The following MTAP variants were observed in gnomAD, a reference collection of about 807,000 sequenced individuals.
MTAP encodes the protein S-methyl-5'-thioadenosine phosphorylase.
A neutral mutation model predicts 33.6 loss-of-function variants in MTAP; 33 were observed. That is an observed-to-expected ratio of 0.98 (90% CI 0.74 to 1.31). The LOEUF is 1.31. MTAP is among the 40% of genes most tolerant of loss of function. MTAP has a pLI of 0.00. For synonymous variants in MTAP, 148 were observed against 125.7 expected (o/e 1.18, Z -1.19); for missense variants, 367 against 360.0 (o/e 1.02, Z -0.16).
chr9:21,852,380 G>T (rs537404285), intron 5 of MTAP, among the ~76,000 whole-genome samples: 1 of 151,950 alleles, frequency 6.6e-6, no homozygotes, highest in Non-Finnish European at 1.5e-5. Flanking sequence ...CCGTGGTGGC[G>T]GGTGCCTGTA....
At chr9:21,904,064 C>T (rs1818434531) in intron 1 of MTAP, among the ~76,000 whole-genome samples, 1 of 152,164 alleles carries the variant, frequency 6.6e-6, no homozygotes, top group Admixed American at 6.5e-5. Flanking sequence ...TGGTTTTCCC[C>T]TTGGGTCAGG....
intron 1 of MTAP, among the ~76,000 whole-genome samples, chr9:21,887,322 T>C (rs1463541052): frequency 6.6e-6 from 1 of 152,054 alleles, no homozygotes; most frequent in African/African-American, 2.4e-5. Flanking sequence ...CCATGTGTTC[T>C]CATGGTTCAA....
chr9:21,844,106 T>A (rs1442336173), intron 5 of MTAP, among the ~76,000 whole-genome samples: 2 of 152,164 alleles, frequency 1.3e-5, no homozygotes, highest in Non-Finnish European at 2.9e-5. Flanking sequence ...AACACCTTTA[T>A]GCACACAAAC....
At chr9:21,848,826 A>T (rs1278188335) in intron 5 of MTAP, among the ~76,000 whole-genome samples, 1 of 152,168 alleles carries the variant, frequency 6.6e-6, no homozygotes, top group Non-Finnish European at 1.5e-5. Flanking sequence ...CAAAACTTAA[A>T]TACAGTGGGA....
At chr9:21,899,235 G>A (rs1818347447) in intron 1 of MTAP, among the ~76,000 whole-genome samples, 1 of 125,418 alleles carries the variant, frequency 8.0e-6, no homozygotes, top group Non-Finnish European at 1.7e-5. Flanking sequence ...GCCTGTTGTG[G>A]GGTGGGGGGA....
chr9:21,880,983 G>A (rs1818002603), intron 1 of MTAP, among the ~76,000 whole-genome samples: 3 of 151,954 alleles, frequency 2.0e-5, no homozygotes, highest in Admixed American at 2.0e-4. Flanking sequence ...GACATTGGAA[G>A]TCTGACAATG....
chr9:21,915,019 C>T (rs915265889), intron 1 of MTAP, among the ~76,000 whole-genome samples: 1,024 of 97,418 alleles, frequency 0.011, 71 homozygotes, highest in African/African-American at 0.047. Flanking sequence ...TTCCTTCCTT[C>T]CTTCCTTCCT....
downstream of MTAP, chr9:21,931,304 A>T: frequency 1.7e-6 from 1 of 577,484 alleles, no homozygotes; most frequent in Non-Finnish European, 3.1e-6. Flanking sequence ...TGGGTCATGG[A>T]TTTTTGCGGG....
At chr9:21,914,656 G>A (rs1443617170) in intron 1 of MTAP, among the ~76,000 whole-genome samples, 1 of 151,322 alleles carries the variant, frequency 6.6e-6, no homozygotes, top group Non-Finnish European at 1.5e-5. Context: ...GGGAGGGTTA[G>A]CATTTGGAGA....
At chr9:21,930,867 G>T in intron 1 of MTAP, 1 of 639,150 alleles carries the variant, frequency 1.6e-6, no homozygotes, top group South Asian at 1.9e-5. Flanking sequence ...TGGTTAGTTA[G>T]ATTGGTAAGG....
chr9:21,828,490 A>G (rs867640222), intron 4 of MTAP, among the ~76,000 whole-genome samples: 4 of 152,176 alleles, frequency 2.6e-5, no homozygotes, highest in African/African-American at 4.8e-5. Context: ...CCTGGTCAAC[A>G]TGGTGAAACC....
intron 1 of MTAP, among the ~76,000 whole-genome samples, chr9:21,875,816 C>T (rs1177270919): frequency 3.9e-5 from 6 of 152,036 alleles, no homozygotes; most frequent in Non-Finnish European, 8.8e-5. Context: ...AGGTTGATTC[C>T]ATGTCTTTGC....
chr9:21,886,115 C>T (rs999005049), intron 1 of MTAP, among the ~76,000 whole-genome samples: 3 of 149,226 alleles, frequency 2.0e-5, no homozygotes, highest in East Asian at 2.0e-4. Context: ...ACATCAAGGC[C>T]AACATCTTTT....
chr9:21,851,879 C>T (rs1253228819), intron 5 of MTAP, among the ~76,000 whole-genome samples: 2 of 152,136 alleles, frequency 1.3e-5, no homozygotes, highest in South Asian at 2.1e-4. Context: ...ATGCTTCCTG[C>T]CCTCCAACAT....
At position 21,902,437 on chromosome 9, in the gene MTAP, T is replaced by G. The variant is rs138938415; in HGVS notation, c.148-28571T>G. The stretch of plus-strand genomic sequence containing the variant: ...GGATCATCCACACTTAGCACATGTC[T>G]GTAATACTATGAATTCCCCAAACAT... On this transcript the variant is annotated intron_variant, in intron 1 of 1. Coordinates refer to the MTAP transcript ENST00000577563. 3.9e-3 allele frequency among the ~76,000 whole-genome samples: 589 copies of G among 152,356 alleles called. 5 individuals are homozygous for G. The highest frequency in any genetic ancestry group is 0.013 in the African/African-American group (550 of 41,582).
At chr9:21,810,405 GA>G (rs1431236662) in intron 1 of MTAP, among the ~76,000 whole-genome samples, 1 of 147,998 alleles carries the variant, frequency 6.8e-6, no homozygotes, top group African/African-American at 2.6e-5. Context: ...AAAGGGAGAC[GA>G]GGGAGATAGG....
intron 1 of MTAP, among the ~76,000 whole-genome samples, chr9:21,915,077 TTTCTTTCC>T (rs1818662971): frequency 7.8e-6 from 1 of 128,884 alleles, no homozygotes. Context: ...TCTTTCTTTC[TTTCTTTCC>T]TTTCTTTCTT....
At chr9:21,818,278 G>A (rs139355016) in intron 4 of MTAP, 76 bp downstream of exon 4, 11 of 1,307,588 alleles carry the variant, frequency 8.4e-6, no homozygotes, top group African/African-American at 6.1e-5. Flanking sequence ...CGTGGGAACC[G>A]GCAGGGCAAC....
In MTAP at chr9:21,859,542, A is replaced by G. The variant is rs543537593; in HGVS notation, c.813+117A>G. Reference sequence around the variant, plus strand: ...TTATGCCAGCCTAGATGTTTTCAACAAGTTTTTGTGACATCTACTACTACC... The same window carrying G: ...TTATGCCAGCCTAGATGTTTTCAACGAGTTTTTGTGACATCTACTACTACC... On this transcript the variant is annotated intron_variant, in intron 7 of 7. Coordinates refer to ENST00000644715, the MANE Select transcript of MTAP (RefSeq NM_002451.4). 2.4e-6 allele frequency: 3 copies of G among 1,252,390 alleles called. No homozygotes were observed. In the Admixed American group the frequency reaches 9.6e-5, roughly 40 times the overall value. The allele number at this position is 1,252,390 out of a possible 1,614,324, so 77.6% of individuals were successfully genotyped here.
Sources: allele counts gnomAD v4.1 joint callset (sites outside exome capture counted in the v4.1 genomes callset), GRCh38; gene constraint gnomAD v4.1.1; transcripts MANE v1.5; gene names NCBI Gene and HGNC (gene_info 2026-07-23, HGNC 2026-07-21).